The following SEMA3D variants were observed in gnomAD, a reference collection of about 807,000 sequenced individuals.
SEMA3D encodes semaphorin 3D.
SEMA3D carries 84 observed loss-of-function variants against 100.1 expected under a neutral mutation model. The ratio of observed to expected loss-of-function variants is 0.84; its 90% CI spans 0.70 to 1.01. The LOEUF is 1.01. Among genes scored for constraint, SEMA3D ranks in the 50% least tolerant of loss-of-function variants. The pLI is 0.00. For synonymous variants in SEMA3D, 312 were observed against 320.7 expected (o/e 0.97, Z 0.29); for missense variants, 875 against 934.1 (o/e 0.94, Z 0.82).
chr7:85,066,913 C>CACACACACACACACACAGAGAGAGAG, intron 7 of SEMA3D, among the ~76,000 whole-genome samples: 33 of 127,812 alleles, frequency 2.6e-4, no homozygotes, highest in African/African-American at 9.1e-4. Flanking sequence ...CACACACACA[C>CACACACACACACACACAGAGAGAGAG]AGAGAGAGAG....
the SEMA3D span, among the ~76,000 whole-genome samples, chr7:85,204,334 G>T: frequency 8.4e-6 from 1 of 119,170 alleles, no homozygotes; most frequent in Non-Finnish European, 1.7e-5. Flanking sequence ...TGCAGCTATT[G>T]ATCTAATACA....
At chr7:85,238,556 G>T in the SEMA3D span, among the ~76,000 whole-genome samples, 2 of 152,204 alleles carry the variant, frequency 1.3e-5, no homozygotes, top group East Asian at 3.9e-4. Context: ...CTACCAATCT[G>T]TCTCTTCTTC....
At position 84,999,115 on chromosome 7, in the gene SEMA3D, C is replaced by T. The variant is rs938938300; in HGVS notation, c.*325G>A. ...TCGAGGGAATAAAGCACCTTATACA[C>T]TATCAAATTCGGGGCTTGCTTAGCT... On this transcript the variant is annotated 3_prime_UTR_variant, in exon 19 of 19. Coordinates refer to ENST00000284136, the MANE Select transcript of SEMA3D (RefSeq NM_001384900.1). The T allele has an allele frequency of 4.3e-5, 14 of 327,682 alleles. No homozygotes were observed. The Admixed American group carries it at 5.0e-4, about 12-fold the overall frequency. 20.3% of individuals were successfully genotyped at this position (327,682 alleles called of 1,614,324 possible). A position where few individuals can be genotyped will look rare whatever the true frequency, so the allele number is the denominator to read the frequency against.
At chr7:85,111,028 C>T (rs552771915) in intron 3 of SEMA3D, among the ~76,000 whole-genome samples, 2 of 152,110 alleles carry the variant, frequency 1.3e-5, no homozygotes, top group East Asian at 3.9e-4. Flanking sequence ...TTATCTCTTT[C>T]CTTTTACTTT....
At chr7:85,006,766 C>T (rs774204326) in intron 18 of SEMA3D, 36 bp downstream of exon 18, 17 of 1,533,030 alleles carry the variant, frequency 1.1e-5, no homozygotes, top group African/African-American at 1.4e-5. Context: ...ACACTATTTC[C>T]CTCAAAGTGA....
intron 18 of SEMA3D, among the ~76,000 whole-genome samples, chr7:85,005,330 T>C (rs985144596): frequency 6.6e-6 from 1 of 152,058 alleles, no homozygotes; most frequent in African/African-American, 2.4e-5. Context: ...TATCAAATAA[T>C]ATTTCAATAT....
the SEMA3D span, among the ~76,000 whole-genome samples, chr7:85,226,509 A>G: frequency 2.0e-5 from 3 of 152,180 alleles, no homozygotes; most frequent in Non-Finnish European, 4.4e-5. Flanking sequence ...TATGAAAGAT[A>G]GCAAATTTTA....
intron 1 of SEMA3D, among the ~76,000 whole-genome samples, chr7:85,170,232 T>C (rs975412549): frequency 2.6e-5 from 4 of 151,872 alleles, no homozygotes; most frequent in African/African-American, 9.7e-5. Flanking sequence ...AGTTCTATGA[T>C]GTATGTTTGA....
chr7:85,200,578 A>G, the SEMA3D span, among the ~76,000 whole-genome samples: 1 of 152,232 alleles, frequency 6.6e-6, no homozygotes, highest in Admixed American at 6.5e-5. Context: ...TTATAAGGGA[A>G]GCAGAGCATA....
At chr7:85,202,677 C>T in the SEMA3D span, among the ~76,000 whole-genome samples, 15 of 151,972 alleles carry the variant, frequency 9.9e-5, no homozygotes, top group East Asian at 1.9e-4. Context: ...AAAAAGTGGG[C>T]GAAAGACATG....
chr7:85,126,045 G>C (rs887200434), intron 2 of SEMA3D, among the ~76,000 whole-genome samples: 11 of 152,004 alleles, frequency 7.2e-5, no homozygotes, highest in Non-Finnish European at 1.5e-4. Context: ...CTGATTATGA[G>C]AGACTTTTAC....
At chr7:85,107,182 T>G (rs1253397761) in intron 3 of SEMA3D, among the ~76,000 whole-genome samples, 3 of 152,094 alleles carry the variant, frequency 2.0e-5, no homozygotes, top group African/African-American at 7.2e-5. Context: ...GTGTGACATT[T>G]TATCTAAAAT....
At chr7:85,190,653 C>A (rs191364995), upstream of SEMA3D, among the ~76,000 whole-genome samples, 7 of 152,156 alleles carry the variant, frequency 4.6e-5, no homozygotes, top group African/African-American at 1.4e-4. Context: ...GAAAAAAACA[C>A]ACCTGACTTT....
intron 10 of SEMA3D, 71 bp from the exon 11 acceptor site, chr7:85,040,813 A>G (rs1790839286): frequency 4.1e-6 from 3 of 726,238 alleles, no homozygotes; most frequent in South Asian, 3.2e-5. Flanking sequence ...TAATAACACA[A>G]CTGAAACTCT....
At chr7:85,045,742 T>G (rs1034346079) in intron 9 of SEMA3D, among the ~76,000 whole-genome samples, 1 of 151,922 alleles carries the variant, frequency 6.6e-6, no homozygotes, top group Non-Finnish European at 1.5e-5. Context: ...AGTGAGAAGA[T>G]GTATATCTGG....
intron 16 of SEMA3D, among the ~76,000 whole-genome samples, chr7:85,014,556 TTA>T (rs1215770407): frequency 6.6e-6 from 1 of 151,804 alleles, no homozygotes; most frequent in Non-Finnish European, 1.5e-5. Flanking sequence ...TGTTGTTTAA[TTA>T]TATGAGTGGC....
intron 1 of SEMA3D, among the ~76,000 whole-genome samples, chr7:85,172,330 G>C (rs1427728088): frequency 6.6e-6 from 1 of 151,914 alleles, no homozygotes; most frequent in Non-Finnish European, 1.5e-5. Context: ...TATGGGAATA[G>C]ACTAATTTGA....
chr7:85,023,110 T>C (rs912498525), intron 12 of SEMA3D, among the ~76,000 whole-genome samples: 10 of 151,954 alleles, frequency 6.6e-5, no homozygotes, highest in Non-Finnish European at 1.2e-4. Flanking sequence ...AATTATGTAG[T>C]TTCTTTTATG....
intron 14 of SEMA3D, among the ~76,000 whole-genome samples, chr7:85,018,865 A>G (rs527406214): frequency 6.6e-6 from 1 of 151,774 alleles, no homozygotes; most frequent in African/African-American, 2.4e-5. Context: ...AATCAGAAAC[A>G]TGAACACAAA....
Sources: gnomAD v4.1 joint callset for allele counts (sites outside exome capture counted in the v4.1 genomes callset) on GRCh38, gnomAD v4.1.1 for gene constraint, MANE v1.5 for transcripts, NCBI Gene and HGNC (gene_info 2026-07-23, HGNC 2026-07-21) for gene names.